The following HIPK2 variants were observed in gnomAD, a reference collection of about 807,000 sequenced individuals.
HIPK2 encodes the protein homeodomain interacting protein kinase 2, also known as homeodomain-interacting protein kinase 2.
Under a neutral mutation model 113.7 loss-of-function variants are expected in HIPK2, and 27 were observed. The observed-to-expected ratio is 0.24, with a 90% CI of 0.17 to 0.33. The LOEUF (loss-of-function observed/expected upper bound fraction) is 0.33, where lower values mean the gene tolerates loss of function less well. Ranked by LOEUF, HIPK2 falls within the 10% of genes least tolerant of loss-of-function variation. The pLI is 1.00. For synonymous variants in HIPK2, 631 were observed against 642.2 expected, an observed-to-expected ratio of 0.98 and a Z score of 0.26; for missense variants, 1,257 against 1,588.0, an observed-to-expected ratio of 0.79 and a Z score of 3.54.
chr7:139,665,038 T>C (rs1455529817), intron 2 of HIPK2, among the ~76,000 whole-genome samples: 3 of 139,064 alleles, frequency 2.2e-5, no homozygotes, highest in African/African-American at 8.0e-5. Flanking sequence ...TCTTTCTCTC[T>C]CTTTTTTTTT....
At chr7:139,691,725 T>C (rs993372036) in intron 2 of HIPK2, among the ~76,000 whole-genome samples, 2 of 152,264 alleles carry the variant, frequency 1.3e-5, no homozygotes, top group South Asian at 4.1e-4. Flanking sequence ...CTTGACTCCT[T>C]CCTGGCTCTG....
intron 1 of HIPK2, among the ~76,000 whole-genome samples, chr7:139,772,527 C>T (rs972393856): frequency 8.5e-5 from 13 of 152,106 alleles, no homozygotes; most frequent in Non-Finnish European, 1.8e-4. Flanking sequence ...CACTCAGAAA[C>T]ACTTTTTTGA....
In HIPK2 at chr7:139,763,719, T is replaced by C. The variant is rs189767093; in HGVS notation, c.19+13886A>G. 4.6e-5 allele frequency among the ~76,000 whole-genome samples: 7 copies of C among 152,298 alleles called. No individual in the cohort carries two copies. In the East Asian group the frequency reaches 1.2e-3, roughly 25 times the overall value. ...ATTCCTGGATTCCACATTTGCAAAT[T>C]CACCTACTCACTAAAAGGTGTTTGT... On this transcript the variant is annotated intron_variant, in intron 1 of 14. Coordinates refer to ENST00000406875, the MANE Select transcript of HIPK2 (RefSeq NM_022740.5).
chr7:139,626,109 T>G (rs982284463), intron 6 of HIPK2, among the ~76,000 whole-genome samples: 1 of 125,752 alleles, frequency 8.0e-6, no homozygotes, highest in African/African-American at 4.9e-5. Context: ...TTTCTTTCCT[T>G]TTTTTTTTTT....
At chr7:139,681,187 C>A (rs1802687894) in intron 2 of HIPK2, among the ~76,000 whole-genome samples, 1 of 152,188 alleles carries the variant, frequency 6.6e-6, no homozygotes, top group Non-Finnish European at 1.5e-5. Context: ...ACTGCCACAG[C>A]ACTTAATCAC....
chr7:139,754,336 C>T (rs932926357), intron 1 of HIPK2, among the ~76,000 whole-genome samples: 4 of 152,228 alleles, frequency 2.6e-5, no homozygotes, highest in Admixed American at 6.5e-5. Context: ...CTTCACTTTG[C>T]ATTACTGCTG....
At chr7:139,746,351 C>T (rs1436911940) in intron 1 of HIPK2, among the ~76,000 whole-genome samples, 1 of 152,186 alleles carries the variant, frequency 6.6e-6, no homozygotes, top group Non-Finnish European at 1.5e-5. Flanking sequence ...TCCCTTGTCA[C>T]TGGGGACCTC....
intron 2 of HIPK2, among the ~76,000 whole-genome samples, chr7:139,694,386 C>G (rs558547469): frequency 6.6e-6 from 1 of 151,860 alleles, no homozygotes; most frequent in Non-Finnish European, 1.5e-5. Flanking sequence ...TACCTCAGAT[C>G]GATGATCATG....
chr7:139,706,815 CAT>C (rs1179522349), intron 2 of HIPK2, among the ~76,000 whole-genome samples: 3 of 152,358 alleles, frequency 2.0e-5, no homozygotes, highest in Non-Finnish European at 4.4e-5. Flanking sequence ...AAATGCCACA[CAT>C]GTGATTGGTG....
chr7:139,605,755 A>G (rs1031470513), intron 9 of HIPK2, among the ~76,000 whole-genome samples: 2 of 152,146 alleles, frequency 1.3e-5, no homozygotes, highest in Admixed American at 6.5e-5. Context: ...TGCGCATACC[A>G]TGAGTGCTTA....
intron 2 of HIPK2, among the ~76,000 whole-genome samples, chr7:139,709,459 A>G (rs1795000386): frequency 6.6e-6 from 1 of 152,118 alleles, no homozygotes; most frequent in African/African-American, 2.4e-5. Context: ...TTTTGAAATG[A>G]TTGATATTTC....
At chr7:139,640,735 C>T (rs996339030) in intron 2 of HIPK2, among the ~76,000 whole-genome samples, 3 of 151,956 alleles carry the variant, frequency 2.0e-5, no homozygotes, top group Non-Finnish European at 4.4e-5. Flanking sequence ...CCGCACCTTC[C>T]ACCTCCTGGG....
chr7:139,761,978 G>A (rs969406248), intron 1 of HIPK2, among the ~76,000 whole-genome samples: 1 of 152,138 alleles, frequency 6.6e-6, no homozygotes, highest in African/African-American at 2.4e-5. Flanking sequence ...TGTGTATGTG[G>A]AGTGTTTTGC....
At chr7:139,666,052 G>C (rs28488480) in intron 2 of HIPK2, among the ~76,000 whole-genome samples, 4,558 of 151,266 alleles carry the variant, frequency 0.03, 212 homozygotes, top group African/African-American at 0.1. Context: ...TTGGGGGCCA[G>C]AAGCCAATTT....
chr7:139,746,396 C>T (rs907975715), intron 1 of HIPK2, among the ~76,000 whole-genome samples: 5 of 152,152 alleles, frequency 3.3e-5, no homozygotes, highest in Admixed American at 6.5e-5. Context: ...GTGCTCATCA[C>T]GTATTACCCT....
At chr7:139,605,588 T>C (rs985820044) in intron 9 of HIPK2, among the ~76,000 whole-genome samples, 9 of 152,162 alleles carry the variant, frequency 5.9e-5, no homozygotes, top group South Asian at 2.1e-4. Context: ...CTAAAAAACA[T>C]TGACGCTTAT....
At chr7:139,583,076 C>A (rs1183377317) in intron 13 of HIPK2, among the ~76,000 whole-genome samples, 1 of 152,252 alleles carries the variant, frequency 6.6e-6, no homozygotes, top group African/African-American at 2.4e-5. Flanking sequence ...CAGGTGCAGG[C>A]TGGCTTGGGT....
chr7:139,696,582 CA>C (rs1334825673), intron 2 of HIPK2, among the ~76,000 whole-genome samples: 3 of 146,062 alleles, frequency 2.1e-5, no homozygotes, highest in Non-Finnish European at 4.5e-5. Flanking sequence ...GACCCTGCCT[CA>C]AAAAAAAAAA....
chr7:139,604,227 T>A lies in HIPK2; in HGVS notation c.2113-4A>T, dbSNP rs771299949. On this transcript the variant is annotated splice_polypyrimidine_tract_variant and splice_region_variant and intron_variant, in intron 9 of 14. Coordinates refer to ENST00000406875, the MANE Select transcript of HIPK2 (RefSeq NM_022740.5). The stretch of plus-strand genomic sequence containing the variant: ...GGGTCCCACTTGGCCAAGCCTGCTG[T>A]AGAACACAGGACATGTGCAATGACC... The A allele has an allele frequency of 1.9e-6, 3 of 1,608,052 alleles. No individual in the cohort carries two copies. In the Admixed American group the frequency reaches 5.0e-5, roughly 27 times the overall value.
Sources: gnomAD v4.1 joint callset for allele counts (sites outside exome capture counted in the v4.1 genomes callset) on GRCh38, gnomAD v4.1.1 for gene constraint, MANE v1.5 for transcripts, NCBI Gene and HGNC (gene_info 2026-07-23, HGNC 2026-07-21) for gene names.